The following SBF1 variants were observed in gnomAD, a reference collection of about 807,000 sequenced individuals.
SBF1 encodes the protein myotubularin-related protein 5.
A neutral mutation model predicts 215.8 loss-of-function variants in SBF1; 65 were observed. The observed-to-expected ratio is 0.30, with a 90% CI of 0.25 to 0.37. The LOEUF is 0.37. Ranked by LOEUF, SBF1 falls within the 10% of genes least tolerant of loss-of-function variation. The pLI, the probability that SBF1 is intolerant of heterozygous loss-of-function variation, is 1.00. For missense variants in SBF1, 2,634 were observed against 2,667.8 expected (o/e 0.99, Z 0.28); for synonymous variants, 1,410 against 1,122.8 (o/e 1.26, Z -5.11).
At position 50,465,664 on chromosome 22, in the gene SBF1, C is replaced by A. The variant is rs1569513623; in HGVS notation, c.1089+99G>T. The stretch of plus-strand genomic sequence containing the variant: ...CTGCTTCTGCTACTGGAGCCGGGGC[C>A]AGCCTGGGGGTGGGGCCCTGTGTGT... On this transcript the variant is annotated intron_variant, in intron 10 of 40. Coordinates refer to ENST00000380817, the MANE Select transcript of SBF1 (RefSeq NM_002972.4). 4 of 1,165,600 alleles carry A rather than the reference C, an allele frequency of 3.4e-6. No homozygotes were observed. The East Asian group carries it at 1.0e-4, about 30-fold the overall frequency. The allele number at this position is 1,165,600 out of a possible 1,614,324, so 72.2% of individuals were successfully genotyped here.
intron 15 of SBF1, among the ~76,000 whole-genome samples, chr22:50,463,933 A>T (rs1215370971): frequency 6.6e-6 from 1 of 152,216 alleles, no homozygotes; most frequent in Non-Finnish European, 1.5e-5. Context: ...AAACAGCAGG[A>T]GCAAAAAGCT....
Position 50,464,568 on chromosome 22 carries a change from C to A in SBF1, c.1602G>T (p.Glu534Asp). The A allele has an allele frequency of 6.2e-7, 1 of 1,612,088 alleles. No homozygotes were observed. Among genetic ancestry groups the A allele is most frequent in the East Asian group, 2.2e-5 (1 of 44,870 alleles). Residue 534 changes from glutamate to aspartate, a missense_variant, in exon 14 of 41, where the codon GAG becomes GAT. Physicochemically the swap from Glu to Asp is conservative, Grantham distance 45 (BLOSUM62 2). Coordinates refer to ENST00000380817, the MANE Select transcript of SBF1 (RefSeq NM_002972.4). ...GCCCTGAGGGCACGGTGGTCCTCCT[C>A]TCGGCCTTCACAGCTGGGGGTGCAC... ...MQGAPPAVKA[E>D]RRTTVPSGPP... is the part of the protein sequence containing the mutation.
chr22:50,447,076 C>T lies in SBF1; in HGVS notation c.*66G>A, dbSNP rs1208180680. ...GCCGGGGCTGTAAACATGGCCGGGGCGGCCCTGCCCACCCCTAGTGGTCGG... is the reference window on the plus strand; with the variant it reads ...GCCGGGGCTGTAAACATGGCCGGGGTGGCCCTGCCCACCCCTAGTGGTCGG... On this transcript the variant is annotated 3_prime_UTR_variant, in exon 41 of 41. Coordinates refer to ENST00000380817, the MANE Select transcript of SBF1 (RefSeq NM_002972.4). 30 of 1,397,788 alleles carry T rather than the reference C, an allele frequency of 2.1e-5. No individual in the cohort carries two copies. Among genetic ancestry groups the T allele is most frequent in the Admixed American group, 9.7e-5 (5 of 51,372 alleles). The allele number at this position is 1,397,788 out of a possible 1,614,324, so 86.6% of individuals were successfully genotyped here.
chr22:50,467,651 C>T lies in SBF1; in HGVS notation c.319G>A (p.Glu107Lys), dbSNP rs1556436266. 6 of 1,613,696 alleles carry T rather than the reference C, an allele frequency of 3.7e-6. No homozygotes were observed. The East Asian group carries it at 1.1e-4, about 30-fold the overall frequency. The change falls in exon 4 of 41, where the codon GAG (glutamate) becomes AAG (lysine). Residue 107 changes from glutamate to lysine, a missense_variant. Coordinates refer to ENST00000380817, the MANE Select transcript of SBF1 (RefSeq NM_002972.4). ...RVEDATEREE[E>K]GDEGGQTHLS... is the part of the protein sequence containing the mutation. ...TGGGTCTGGCCTCCCTCATCCCCCTCTTCCTCCCTCTCTGTGGCATCCTCC... is the reference window on the plus strand; with the variant it reads ...TGGGTCTGGCCTCCCTCATCCCCCTTTTCCTCCCTCTCTGTGGCATCCTCC...
In SBF1 at chr22:50,461,088, C is replaced by G. The variant is rs901092537; in HGVS notation, c.2967+71G>C. On this transcript the variant is annotated intron_variant, in intron 23 of 40. Transcript: ENST00000380817. ...GAGACTGGCCTAAAAATGGTTCATA[C>G]AAGAAAGACCGGTTTGCAGGAGAAA... The G allele has an allele frequency of 2.0e-6, 3 of 1,519,596 alleles. No homozygotes were observed. In the Admixed American group the frequency reaches 6.3e-5, roughly 32 times the overall value. The allele number at this position is 1,519,596 out of a possible 1,614,324, so 94.1% of individuals were successfully genotyped here.
chr22:50,473,568 G>A (rs992840895), intron 1 of SBF1, among the ~76,000 whole-genome samples: 1 of 152,166 alleles, frequency 6.6e-6, no homozygotes, highest in African/African-American at 2.4e-5. Flanking sequence ...CTGAGTAAGA[G>A]GGCACTGAGG....
In SBF1 at chr22:50,455,066, C is replaced by A; in HGVS notation, c.4631G>T (p.Arg1544Leu). 1 of 1,614,130 alleles carries A rather than the reference C, an allele frequency of 6.2e-7. No homozygotes were observed. Among genetic ancestry groups the A allele is most frequent in the Non-Finnish European group, 8.5e-7 (1 of 1,180,028 alleles). The change falls in exon 34 of 41, where the codon CGC (arginine) becomes CTC (leucine). Residue 1544 changes from arginine to leucine, a missense_variant. Arg to Leu is a moderately radical substitution (Grantham distance 102). Transcript: ENST00000380817. ...LKFLGYHHVSRRFRTFLLDSD... is the reference protein window; with the variant it reads ...LKFLGYHHVSLRFRTFLLDSD... ...GTCGAGCAGGAAGGTCCGGAAACGG[C>A]GGGACACATGGTGGTAGCCGAGGAA...
chr22:50,448,092 A>T (rs2066905335), intron 38 of SBF1, 141 bp downstream of exon 38: 2 of 751,208 alleles, frequency 2.7e-6, no homozygotes, highest in African/African-American at 3.5e-5. Flanking sequence ...CACCAGTTCG[A>T]CACCCCAAAC....
rs771220348 is a variant in SBF1 at position 50,466,481 on chromosome 22, G to A, written c.657C>T (p.Gly219=). 11 of 1,543,186 alleles carry A rather than the reference G, an allele frequency of 7.1e-6. No individual in the cohort carries two copies. Among genetic ancestry groups the A allele is most frequent in the African/African-American group, 2.7e-5 (2 of 72,828 alleles). Residue 219 remains glycine (G), a splice_region_variant and synonymous_variant, in exon 7 of 41, where the codon GGC becomes GGT. Transcript: ENST00000380817. ...AGAACAAAGACAGCACGTTGGTGATGCCTAAAGGAAGAAGAGAAGCTTGGA... is the reference window on the plus strand; with the variant it reads ...AGAACAAAGACAGCACGTTGGTGATACCTAAAGGAAGAAGAGAAGCTTGGA... ...CSVALLFRQL[G]ITNVLSLFCA...
Position 50,451,166 on chromosome 22 carries a change from C to CAA in SBF1, c.5044-2518_5044-2517dup, listed in dbSNP as rs58188399. 5.3e-4 allele frequency among the ~76,000 whole-genome samples: 44 copies of CAA among 83,186 alleles called. 3 individuals carry two copies. The East Asian group carries it at 6.4e-3, about 12-fold the overall frequency. The allele number at this position is 83,186 out of a possible 152,430, so 54.6% of individuals were successfully genotyped here. A position where few individuals can be genotyped will look rare whatever the true frequency, so the allele number is the denominator to read the frequency against. On this transcript the variant is annotated intron_variant, in intron 36 of 40. Coordinates refer to ENST00000380817, the MANE Select transcript of SBF1 (RefSeq NM_002972.4). ...GTGACATAGGGAGACCCCATCTCTA[C>CAA]AAAAAAAAAAAAAAAAAAAAAAAAA...
chr22:50,464,556 G>T lies in SBF1; in HGVS notation c.1614C>A (p.Thr538=). ...CACTCATGGGGGGCCCTGAGGGCAC[G>T]GTGGTCCTCCTCTCGGCCTTCACAG... ...PPAVKAERRT[T]VPSGPPMTAI... is the part of the protein sequence containing the mutation. The change falls in exon 14 of 41, where the codon ACC becomes ACA. Residue 538 remains threonine, a synonymous_variant. Transcript: ENST00000380817. 6.2e-7 allele frequency: 1 copy of T among 1,611,538 alleles called. No homozygotes were observed.
In SBF1 at chr22:50,447,454, C is replaced by CTGGA; in HGVS notation, c.5452-5_5452-2dup. ...CCACACGGTGGTCGTAGTAGCGCAGCTGGAGGAGGCCACAGAGTCAGCGGA... is the reference window on the plus strand; with the variant it reads ...CCACACGGTGGTCGTAGTAGCGCAGCTGGATGGAGGAGGCCACAGAGTCAGCGGA... On this transcript the variant is annotated splice_acceptor_variant, in intron 39 of 40. Transcript: ENST00000380817. LOFTEE classifies it high-confidence loss of function. 6.3e-7 allele frequency: 1 copy of CTGGA among 1,590,864 alleles called. No individual in the cohort carries two copies. The highest frequency in any genetic ancestry group is 8.6e-7 in the Non-Finnish European group (1 of 1,168,746).
intron 28 of SBF1, 87 bp downstream of exon 28, chr22:50,459,168 C>T (rs2067389793): frequency 1.3e-6 from 2 of 1,491,452 alleles, no homozygotes; most frequent in Non-Finnish European, 1.8e-6. Context: ...CGTTTCTGCT[C>T]CTCCCTGGCC....
At position 50,465,300 on chromosome 22, in the gene SBF1, C is replaced by T. The variant is rs760530196; in HGVS notation, c.1118G>A (p.Arg373Gln). ...QDKELRAVFL[R>Q]LFAQLLQGYR... ...GCCCTGCAGCAGCTGAGCGAACAGC[C>T]GCAGGAAGACCGCGCGCAGCTCCTT... Residue 373 changes from arginine (R) to glutamine (Q), a missense_variant, in exon 11 of 41, where the codon CGG (arginine) becomes CAG (glutamine). Physicochemically the swap from Arg to Gln is conservative, Grantham distance 43. Coordinates refer to ENST00000380817, the MANE Select transcript of SBF1 (RefSeq NM_002972.4). The T allele has an allele frequency of 4.4e-6, 7 of 1,604,480 alleles. No individual in the cohort carries two copies. The highest frequency in any genetic ancestry group is 1.7e-5 in the Admixed American group (1 of 57,960).
intron 28 of SBF1, among the ~76,000 whole-genome samples, chr22:50,458,541 A>G (rs1225839436): frequency 6.6e-6 from 1 of 152,212 alleles, no homozygotes; most frequent in Non-Finnish European, 1.5e-5. Flanking sequence ...GTGGGAAGGC[A>G]GCAAGACAGG....
chr22:50,462,260 C>G lies in SBF1; in HGVS notation c.2341G>C (p.Glu781Gln). The change falls in exon 19 of 41, where the codon GAG becomes CAG. Residue 781 changes from glutamate to glutamine, a missense_variant. Transcript: ENST00000380817. ...LDSSKSRLLR[E>Q]RAGLGDLESA... ...TCCAGGTCGCCCAGCCCGGCACGCT[C>G]CCGAAGTAGGCGGCTCTTGCTGCTG... 1.2e-6 allele frequency: 2 copies of G among 1,611,202 alleles called. No individual in the cohort carries two copies. The highest frequency in any genetic ancestry group is 8.5e-7 in the Non-Finnish European group (1 of 1,180,000).
At chr22:50,463,570 C>G (rs2067613743) in intron 15 of SBF1, 138 bp from the exon 16 acceptor site, 7 of 950,926 alleles carry the variant, frequency 7.4e-6, no homozygotes, top group Non-Finnish European at 1.1e-5. Flanking sequence ...CTTTGCCGAC[C>G]AATAAAGACT....
Position 50,459,286 on chromosome 22 carries a change from G to A in SBF1, c.3795C>T (p.Ser1265=), listed in dbSNP as rs754290798. 5.0e-5 allele frequency: 80 copies of A among 1,609,894 alleles called. No individual in the cohort carries two copies. Among genetic ancestry groups the A allele is most frequent in the Non-Finnish European group, 4.5e-5 (53 of 1,177,308 alleles). Residue 1265 remains serine, a synonymous_variant, in exon 28 of 41, where the codon AGC becomes AGT. Coordinates refer to ENST00000380817, the MANE Select transcript of SBF1 (RefSeq NM_002972.4). ...YADASGRNTL[S]GFSSAHMGSH... is the part of the protein sequence containing the mutation. The stretch of plus-strand genomic sequence containing the variant: ...TGCCCATGTGGGCTGAGGAGAAGCC[G>A]CTAAGCGTGTTGCGTCCCGACGCGT...
At position 50,460,629 on chromosome 22, in the gene SBF1, C is replaced by G; in HGVS notation, c.3051G>C (p.Pro1017=). ...FRKQLHKLRY[P]PDIRATFAFT... is the part of the protein sequence containing the mutation. ...ACGCAAAGGTGGCCCTGATGTCCGG[C>G]GGGTACCGCAGCTTATGCAGCTGCT... Residue 1017 remains proline, a synonymous_variant, in exon 24 of 41, where the codon CCG becomes CCC. Transcript: ENST00000380817. The G allele has an allele frequency of 6.2e-7, 1 of 1,614,078 alleles. No homozygotes were observed. Among genetic ancestry groups the G allele is most frequent in the Non-Finnish European group, 8.5e-7 (1 of 1,180,040 alleles).
Sources: allele counts gnomAD v4.1 joint callset (sites outside exome capture counted in the v4.1 genomes callset), GRCh38; gene constraint gnomAD v4.1.1; transcripts MANE v1.5; gene names NCBI Gene and HGNC (gene_info 2026-07-23, HGNC 2026-07-21).